The following ARID1B variants were observed in gnomAD, a reference collection of about 807,000 sequenced individuals.
ARID1B encodes AT-rich interaction domain 1B, also known as AT-rich interactive domain-containing protein 1B.
In ARID1B, 30 loss-of-function variants were observed where a neutral mutation model predicts 212.3. That is an observed-to-expected ratio of 0.14 (90% CI 0.11 to 0.19). ARID1B has a LOEUF of 0.19. Ranked by LOEUF, ARID1B falls within the 10% of genes least tolerant of loss-of-function variation. The pLI is 1.00. For missense variants in ARID1B, 2,891 were observed against 3,204.0 expected, an observed-to-expected ratio of 0.90 and a Z score of 2.36; for synonymous variants, 1,402 against 1,301.7, an observed-to-expected ratio of 1.08 and a Z score of -1.66.
intron 19 of ARID1B, chr6:157,204,621 A>G (rs1264551895): frequency 6.6e-6 from 1 of 152,256 alleles, no homozygotes; most frequent in Non-Finnish European, 1.5e-5. Flanking sequence ...TGAAGCAGTC[A>G]TGTAAAAGCC....
At chr6:156,780,699 T>C (rs992791697) in intron 1 of ARID1B, among the ~76,000 whole-genome samples, 1 of 152,264 alleles carries the variant, frequency 6.6e-6, no homozygotes, top group Non-Finnish European at 1.5e-5. Flanking sequence ...AAGCTGAAAC[T>C]ATTATGAATC....
At chr6:157,057,875 C>A (rs1397749122) in intron 4 of ARID1B, among the ~76,000 whole-genome samples, 8 of 152,122 alleles carry the variant, frequency 5.3e-5, no homozygotes, top group Admixed American at 3.9e-4. Context: ...ACAGCATACT[C>A]TATGAGTACA....
chr6:157,038,243 G>C (rs906626914), intron 4 of ARID1B, among the ~76,000 whole-genome samples: 1 of 152,168 alleles, frequency 6.6e-6, no homozygotes, highest in Non-Finnish European at 1.5e-5. Context: ...GGATAGGAAG[G>C]TTGGTAGAAA....
intron 4 of ARID1B, among the ~76,000 whole-genome samples, chr6:157,054,977 A>G (rs1290453997): frequency 6.6e-6 from 1 of 152,166 alleles, no homozygotes; most frequent in Non-Finnish European, 1.5e-5. Context: ...TCAGTTTAGA[A>G]CTGGAGTAAC....
At chr6:157,038,791 G>T (rs1199990572) in intron 4 of ARID1B, among the ~76,000 whole-genome samples, 1 of 152,130 alleles carries the variant, frequency 6.6e-6, no homozygotes, top group East Asian at 1.9e-4. Flanking sequence ...TACTTACTGA[G>T]TATGCAGCAA....
intron 8 of ARID1B, chr6:157,166,391 G>C (rs1411487606): frequency 6.6e-6 from 1 of 152,240 alleles, no homozygotes; most frequent in Admixed American, 6.5e-5. Context: ...CTAGGGACAC[G>C]TGCAGCTGAT....
intron 2 of ARID1B, among the ~76,000 whole-genome samples, chr6:156,859,663 T>G (rs1785187286): frequency 6.6e-6 from 1 of 152,234 alleles, no homozygotes; most frequent in Non-Finnish European, 1.5e-5. Context: ...TCTTTCTCTG[T>G]GTTAACTGGT....
chr6:156,810,638 G>A (rs779203752), intron 1 of ARID1B, among the ~76,000 whole-genome samples: 12 of 152,122 alleles, frequency 7.9e-5, no homozygotes, highest in Non-Finnish European at 1.5e-4. Context: ...TTGCCTGGTG[G>A]TTTCAAGACA....
chr6:156,959,823 G>T (rs897628802), intron 4 of ARID1B, among the ~76,000 whole-genome samples: 33 of 152,176 alleles, frequency 2.2e-4, no homozygotes, highest in African/African-American at 7.5e-4. Flanking sequence ...GTGGTGGCAG[G>T]CGGGAGGTCT....
intron 4 of ARID1B, among the ~76,000 whole-genome samples, chr6:156,945,007 C>T (rs1432750300): frequency 6.7e-6 from 1 of 150,160 alleles, no homozygotes; most frequent in Non-Finnish European, 1.5e-5. Context: ...ACTGCAACCT[C>T]TGCCTCCCAG....
chr6:157,136,669 C>T (rs919867074), intron 7 of ARID1B, among the ~76,000 whole-genome samples: 1 of 152,126 alleles, frequency 6.6e-6, no homozygotes, highest in African/African-American at 2.4e-5. Flanking sequence ...CGAGACCAGC[C>T]TGGGCAACAT....
intron 2 of ARID1B, among the ~76,000 whole-genome samples, chr6:156,882,107 C>A (rs2128170260): frequency 6.6e-6 from 1 of 152,298 alleles, no homozygotes; most frequent in Non-Finnish European, 1.5e-5. Flanking sequence ...ATTCCTCTTT[C>A]ACTTGTGTGT....
intron 13 of ARID1B, chr6:157,184,702 A>T: frequency 1.9e-6 from 1 of 528,406 alleles, no homozygotes; most frequent in Non-Finnish European, 3.4e-6. Flanking sequence ...AGGCTTTCGA[A>T]TTCTAAGCCA....
chr6:157,004,116 G>C (rs2128436948), intron 4 of ARID1B, among the ~76,000 whole-genome samples: 1 of 152,166 alleles, frequency 6.6e-6, no homozygotes, highest in East Asian at 1.9e-4. Context: ...TATTGCCCAG[G>C]CTGGTCTCGA....
At chr6:156,904,766 CAT>C (rs1284565224) in intron 3 of ARID1B, among the ~76,000 whole-genome samples, 17 of 152,212 alleles carry the variant, frequency 1.1e-4, no homozygotes, top group Admixed American at 9.2e-4. Context: ...TATTTGACCT[CAT>C]GTGATGGATC....
chr6:156,991,741 A>G (rs146123362), intron 4 of ARID1B, among the ~76,000 whole-genome samples: 7 of 152,342 alleles, frequency 4.6e-5, no homozygotes, highest in African/African-American at 1.4e-4. Context: ...TTTCATACAC[A>G]TAGTAATAAA....
Position 156,777,893 on chromosome 6 carries a change from G to A in ARID1B, c.213G>A (p.Val71=), listed in dbSNP as rs1778741109. The change falls in exon 1 of 20, where the codon GTG becomes GTA. Residue 71 remains valine (V), a synonymous_variant. Coordinates refer to ENST00000636930, the MANE Select transcript of ARID1B (RefSeq NM_001374828.1). The part of the protein sequence containing the change: ...GGDGGGGLNS[V]HHHPLLPRHE... ...ACGGCGGCGGCGGCCTGAACAGTGT[G>A]CACCACCACCCCCTGCTCCCCCGTC... 2 of 1,489,004 alleles carry A rather than the reference G, an allele frequency of 1.3e-6. No individual in the cohort carries two copies. Among genetic ancestry groups the A allele is most frequent in the African/African-American group, 2.9e-5 (2 of 69,888 alleles). 92.2% of individuals were successfully genotyped at this position (1,489,004 alleles called of 1,614,324 possible). A position where few individuals can be genotyped will look rare whatever the true frequency, so the allele number is the denominator to read the frequency against.
intron 4 of ARID1B, among the ~76,000 whole-genome samples, chr6:156,997,351 T>C (rs1271308258): frequency 1.3e-5 from 2 of 152,246 alleles, no homozygotes; most frequent in Non-Finnish European, 2.9e-5. Flanking sequence ...CTCTTCAGTC[T>C]ATTTCCTATT....
chr6:156,939,431 T>G (rs181788467), intron 4 of ARID1B: 260 of 152,358 alleles, frequency 1.7e-3, no homozygotes, highest in African/African-American at 6.0e-3. Flanking sequence ...ATCCTTTTAT[T>G]ATAGTTATCC....
Sources: allele counts gnomAD v4.1 joint callset (sites outside exome capture counted in the v4.1 genomes callset), GRCh38; gene constraint gnomAD v4.1.1; transcripts MANE v1.5; gene names NCBI Gene and HGNC (gene_info 2026-07-23, HGNC 2026-07-21).